PCDH15: variants seen among roughly 807,000 people sequenced by gnomAD.
PCDH15 encodes protocadherin-15.
PCDH15 carries 129 observed loss-of-function variants against 178.5 expected under a neutral mutation model. The ratio of observed to expected loss-of-function variants is 0.72; its 90% CI spans 0.63 to 0.84. PCDH15 has a LOEUF of 0.84. PCDH15 is among the 40% of genes least tolerant of loss of function. The pLI is 0.00. For synonymous variants in PCDH15, 800 were observed against 732.0 expected, an observed-to-expected ratio of 1.09 and a Z score of -1.50; for missense variants, 2,230 against 2,099.9, an observed-to-expected ratio of 1.06 and a Z score of -1.21.
At chr10:55,368,332 G>A (rs1300456156) in intron 2 of PCDH15, among the ~76,000 whole-genome samples, 3 of 152,020 alleles carry the variant, frequency 2.0e-5, no homozygotes, top group African/African-American at 7.2e-5. Context: ...GAGCATAAAT[G>A]CATACACTAC....
chr10:53,857,900 T>C (rs1393493156), intron 27 of PCDH15, among the ~76,000 whole-genome samples: 1 of 152,076 alleles, frequency 6.6e-6, no homozygotes, highest in Non-Finnish European at 1.5e-5. Context: ...AATAAAAATA[T>C]TTATTCTGTG....
intron 21 of PCDH15, among the ~76,000 whole-genome samples, chr10:53,977,705 C>T (rs1162761520): frequency 6.6e-6 from 1 of 152,142 alleles, no homozygotes; most frequent in African/African-American, 2.4e-5. Context: ...TACAAAATCT[C>T]ATCTGAGACA....
intron 19 of PCDH15, among the ~76,000 whole-genome samples, chr10:54,020,975 C>G (rs528554135): frequency 1.3e-5 from 2 of 152,126 alleles, no homozygotes; most frequent in East Asian, 3.9e-4. Context: ...ACCATACTTC[C>G]TTTGATTTAA....
intron 15 of PCDH15, among the ~76,000 whole-genome samples, chr10:54,118,844 T>C (rs111287730): frequency 2.5e-3 from 380 of 151,152 alleles, no homozygotes; most frequent in African/African-American, 8.4e-3. Context: ...AATAGCAAAA[T>C]AAATCATAAA....
chr10:54,087,741 T>C (rs1299897146), intron 16 of PCDH15, among the ~76,000 whole-genome samples: 2 of 152,206 alleles, frequency 1.3e-5, no homozygotes, highest in East Asian at 1.9e-4. Flanking sequence ...AGTCATAGTT[T>C]GAATCCATGT....
chr10:55,604,968 G>T (rs1351973525), intron 2 of PCDH15, among the ~76,000 whole-genome samples: 46 of 152,104 alleles, frequency 3.0e-4, no homozygotes, highest in Non-Finnish European at 5.9e-5. Flanking sequence ...CTGGTTTTTC[G>T]AAAGGATCAA....
intron 27 of PCDH15, among the ~76,000 whole-genome samples, chr10:53,860,593 T>C (rs2079038915): frequency 6.6e-6 from 1 of 151,862 alleles, no homozygotes; most frequent in Admixed American, 6.6e-5. Flanking sequence ...TAGCCAGGCA[T>C]GGTGGTGCAT....
chr10:55,443,288 C>T (rs531225728), intron 2 of PCDH15, among the ~76,000 whole-genome samples: 15 of 152,052 alleles, frequency 9.9e-5, no homozygotes, highest in African/African-American at 9.6e-5. Flanking sequence ...AATTGACAAA[C>T]GGGATTTAAT....
intron 5 of PCDH15, among the ~76,000 whole-genome samples, chr10:54,364,148 G>A (rs1416029889): frequency 6.6e-6 from 1 of 151,516 alleles, no homozygotes; most frequent in Non-Finnish European, 1.5e-5. Flanking sequence ...GGAGGCAGAG[G>A]TTGTGCTGAG....
chr10:55,616,675 G>A (rs538173789), intron 2 of PCDH15, among the ~76,000 whole-genome samples: 1 of 152,196 alleles, frequency 6.6e-6, no homozygotes, highest in Non-Finnish European at 1.5e-5. Context: ...ATGTGGCAGT[G>A]ACATATTGAT....
chr10:54,860,239 C>G lies in PCDH15; in HGVS notation c.-29+37211G>C, dbSNP rs11004605. ...GCTGAGGATTGTGGTACAACTGATTCTATCACCCAGGTAGTGAGCATAATA... is the reference window on the plus strand; with the variant it reads ...GCTGAGGATTGTGGTACAACTGATTGTATCACCCAGGTAGTGAGCATAATA... On this transcript the variant is annotated intron_variant, in intron 3 of 5. Transcript: ENST00000458638. Among the ~76,000 whole-genome samples the G allele has an allele frequency of 4.3e-4, 66 of 152,176 alleles. No homozygotes were observed. In the East Asian group the frequency reaches 0.012, roughly 27 times the overall value.
intron 2 of PCDH15, among the ~76,000 whole-genome samples, chr10:54,910,981 G>A (rs976071194): frequency 1.3e-5 from 2 of 152,144 alleles, no homozygotes; most frequent in African/African-American, 4.8e-5. Context: ...AGGAAACAAA[G>A]ACATGTTGGA....
At chr10:55,602,020 G>C (rs757689850) in intron 2 of PCDH15, among the ~76,000 whole-genome samples, 3 of 152,108 alleles carry the variant, frequency 2.0e-5, no homozygotes, top group African/African-American at 4.8e-5. Flanking sequence ...GCGCAGGTCA[G>C]TGGGTGCACG....
intron 17 of PCDH15, among the ~76,000 whole-genome samples, chr10:54,072,586 T>C (rs1315981655): frequency 3.3e-5 from 5 of 152,068 alleles, no homozygotes; most frequent in Non-Finnish European, 7.4e-5. Context: ...CTCCTCCTCA[T>C]CCCCTACTGC....
At chr10:55,512,943 A>T (rs1223979808) in intron 2 of PCDH15, 1 of 152,012 alleles carries the variant, frequency 6.6e-6, no homozygotes, top group Non-Finnish European at 1.5e-5. Flanking sequence ...TAAATCTTTA[A>T]CTCGTTTTAC....
At chr10:54,605,035 A>G (rs2092687743) in intron 2 of PCDH15, among the ~76,000 whole-genome samples, 1 of 151,776 alleles carries the variant, frequency 6.6e-6, no homozygotes, top group Admixed American at 6.6e-5. Context: ...AAAACTTCAC[A>G]TTTTTACCTT....
chr10:55,006,595 C>T (rs543351875), intron 2 of PCDH15, among the ~76,000 whole-genome samples: 1 of 151,542 alleles, frequency 6.6e-6, no homozygotes, highest in Admixed American at 6.6e-5. Context: ...AGTGAGTTTT[C>T]AAGAGGTCTG....
chr10:54,029,829 G>C (rs1175551279), intron 18 of PCDH15, among the ~76,000 whole-genome samples: 1 of 151,964 alleles, frequency 6.6e-6, no homozygotes, highest in Admixed American at 6.6e-5. Context: ...CCATAAAAGT[G>C]GAAGTCCATT....
intron 21 of PCDH15, among the ~76,000 whole-genome samples, chr10:53,962,523 A>G (rs577327938): frequency 9.3e-4 from 141 of 152,344 alleles, no homozygotes; most frequent in African/African-American, 3.1e-3. Context: ...GATGACATTA[A>G]TAATGAAGAT....
Sources: gnomAD v4.1 joint callset for allele counts (sites outside exome capture counted in the v4.1 genomes callset) on GRCh38, gnomAD v4.1.1 for gene constraint, MANE v1.5 for transcripts, NCBI Gene and HGNC (gene_info 2026-07-23, HGNC 2026-07-21) for gene names.